The following PIK3CB variants were observed in gnomAD, a reference collection of about 807,000 sequenced individuals.
PIK3CB encodes phosphatidylinositol 4,5-bisphosphate 3-kinase catalytic subunit beta isoform.
Under a neutral mutation model 136.8 loss-of-function variants are expected in PIK3CB, and 39 were observed. That is an observed-to-expected ratio of 0.29 (90% CI 0.22 to 0.37). The LOEUF is 0.37. PIK3CB is among the 10% of genes least tolerant of loss of function. PIK3CB has a pLI of 1.00. For missense variants in PIK3CB, 868 were observed against 1,275.4 expected, an observed-to-expected ratio of 0.68 and a Z score of 4.87; for synonymous variants, 428 against 436.6, an observed-to-expected ratio of 0.98 and a Z score of 0.25.
At chr3:138,705,191 A>AAAAAAAAAAAC (rs2044350644) in intron 11 of PIK3CB, among the ~76,000 whole-genome samples, 3 of 93,500 alleles carry the variant, frequency 3.2e-5, no homozygotes, top group African/African-American at 1.6e-4. Flanking sequence ...CAAAACAAAC[A>AAAAAAAAAAAC]AAAAAAAAAA....
chr3:138,711,298 G>A (rs890742120), intron 10 of PIK3CB, among the ~76,000 whole-genome samples: 1 of 151,664 alleles, frequency 6.6e-6, no homozygotes, highest in Non-Finnish European at 1.5e-5. Context: ...CAGAAATACG[G>A]CCAGGCGCGG....
chr3:138,821,301 CA>C (rs376785342), intron 1 of PIK3CB, among the ~76,000 whole-genome samples: 5,634 of 139,084 alleles, frequency 0.041, 364 homozygotes, highest in African/African-American at 0.14. Context: ...AAACAAAAAA[CA>C]AAAAAAAAAT....
intron 6 of PIK3CB, among the ~76,000 whole-genome samples, chr3:138,735,763 T>C (rs1303374635): frequency 1.3e-5 from 2 of 152,180 alleles, no homozygotes; most frequent in African/African-American, 4.8e-5. Flanking sequence ...ATGAATTTCC[T>C]ATACAGATCC....
At chr3:138,681,537 A>ATG (rs2043782713) in intron 19 of PIK3CB, among the ~76,000 whole-genome samples, 1 of 152,082 alleles carries the variant, frequency 6.6e-6, no homozygotes, top group Admixed American at 6.6e-5. Flanking sequence ...ACCCCTATTG[A>ATG]TGGTGGCAAA....
intron 4 of PIK3CB, among the ~76,000 whole-genome samples, chr3:138,751,454 T>C (rs1576387821): frequency 1.4e-5 from 2 of 148,008 alleles, no homozygotes; most frequent in Non-Finnish European, 3.0e-5. Context: ...CGAGACTCCA[T>C]CTCAAAAAAA....
chr3:138,664,164 TG>T, intron 20 of PIK3CB, 135 bp from the exon 21 acceptor site: 2 of 992,848 alleles, frequency 2.0e-6, no homozygotes, highest in Non-Finnish European at 2.9e-6. Context: ...TGAGAGAACA[TG>T]TGGATCAGCC....
At chr3:138,768,841 A>G (rs361071) in intron 2 of PIK3CB, among the ~76,000 whole-genome samples, 90,931 of 152,136 alleles carry the variant, frequency 0.6, 28,008 homozygotes, top group East Asian at 0.98. Context: ...CTCCAAGGTC[A>G]GACTGGGTGC....
intron 2 of PIK3CB, among the ~76,000 whole-genome samples, chr3:138,764,166 A>G (rs954487524): frequency 4.0e-5 from 6 of 151,838 alleles, no homozygotes; most frequent in Non-Finnish European, 7.4e-5. Context: ...ATGAATTACA[A>G]GGCTAAGAGT....
chr3:138,760,818 G>C (rs1394588508), intron 2 of PIK3CB, among the ~76,000 whole-genome samples: 1 of 152,062 alleles, frequency 6.6e-6, no homozygotes, highest in East Asian at 1.9e-4. Context: ...GAGGCATGAG[G>C]ATTGCTTGAG....
chr3:138,707,524 C>G (rs1295030823), intron 10 of PIK3CB: 22 of 1,265,368 alleles, frequency 1.7e-5, no homozygotes, highest in Non-Finnish European at 2.1e-5. Flanking sequence ...TGAATGACTA[C>G]TTTACCTCTT....
At chr3:138,809,026 C>T (rs2046264391) in intron 1 of PIK3CB, among the ~76,000 whole-genome samples, 2 of 151,950 alleles carry the variant, frequency 1.3e-5, no homozygotes, top group Admixed American at 1.3e-4. Flanking sequence ...TGGCTCATGC[C>T]TGTAATCTCA....
At chr3:138,790,491 G>A in intron 2 of PIK3CB, among the ~76,000 whole-genome samples, 1 of 150,936 alleles carries the variant, frequency 6.6e-6, no homozygotes, top group Non-Finnish European at 1.5e-5. Flanking sequence ...TATATTGTGT[G>A]TATTTCACCA....
intron 2 of PIK3CB, among the ~76,000 whole-genome samples, chr3:138,766,405 C>T (rs2045732970): frequency 6.6e-6 from 1 of 152,128 alleles, no homozygotes; most frequent in Non-Finnish European, 1.5e-5. Flanking sequence ...TATATCTGTG[C>T]TATATTTCAC....
intron 1 of PIK3CB, among the ~76,000 whole-genome samples, chr3:138,813,450 G>C (rs75896450): frequency 2.0e-5 from 1 of 50,022 alleles, no homozygotes; most frequent in South Asian, 6.4e-4. Context: ...TTTTTTTTTT[G>C]AGACAGAGTC....
At chr3:138,778,707 C>T in intron 2 of PIK3CB, 1 of 219,492 alleles carries the variant, frequency 4.6e-6, no homozygotes, top group Non-Finnish European at 9.2e-6. Flanking sequence ...AATGTTGGAG[C>T]TGGTATTGTT....
At chr3:138,830,925 A>AATAATG (rs1263454676) in intron 1 of PIK3CB, among the ~76,000 whole-genome samples, 2 of 147,080 alleles carry the variant, frequency 1.4e-5, no homozygotes, top group Non-Finnish European at 3.0e-5. Context: ...TAATAATAAT[A>AATAATG]ATAATAATAA....
At chr3:138,757,478 AAC>A (rs146470519) in intron 3 of PIK3CB, among the ~76,000 whole-genome samples, 25,900 of 136,166 alleles carry the variant, frequency 0.19, 2,810 homozygotes, top group African/African-American at 0.31. Context: ...GATACTATTA[AAC>A]ACACACACAC....
intron 12 of PIK3CB, among the ~76,000 whole-genome samples, chr3:138,699,862 CACTT>C (rs1277701521): frequency 1.3e-5 from 2 of 152,008 alleles, no homozygotes; most frequent in Non-Finnish European, 2.9e-5. Context: ...CTCCAAGGAG[CACTT>C]ACTTACTTTA....
chr3:138,703,902 T>A (rs1368835624), intron 12 of PIK3CB, among the ~76,000 whole-genome samples: 2 of 152,166 alleles, frequency 1.3e-5, no homozygotes, highest in Non-Finnish European at 2.9e-5. Context: ...GCAGAAATGA[T>A]ACATACTAAT....
Sources: gnomAD v4.1 joint callset for allele counts (sites outside exome capture counted in the v4.1 genomes callset) on GRCh38, gnomAD v4.1.1 for gene constraint, MANE v1.5 for transcripts, NCBI Gene and HGNC (gene_info 2026-07-23, HGNC 2026-07-21) for gene names.